Variants in ERGIC1 observed in about 807,000 individuals in gnomAD.
The protein encoded by ERGIC1 is endoplasmic reticulum-golgi intermediate compartment 1, also known as endoplasmic reticulum-Golgi intermediate compartment protein 1.
In ERGIC1, 19 loss-of-function variants were observed where a neutral mutation model predicts 38.3. The ratio of observed to expected loss-of-function variants is 0.50; its 90% CI spans 0.35 to 0.73. The LOEUF (loss-of-function observed/expected upper bound fraction) is 0.73, where lower values mean the gene tolerates loss of function less well. Among genes scored for constraint, ERGIC1 ranks in the 30% least tolerant of loss-of-function variants. The probability of loss-of-function intolerance (pLI) is 0.01; values close to 1 mark genes in which losing one functional copy is unlikely to be tolerated. For missense variants in ERGIC1, 294 were observed against 389.2 expected (o/e 0.76, Z 2.06); for synonymous variants, 124 against 157.6 (o/e 0.79, Z 1.60).
At chr5:172,857,809 G>A (rs980881013) in intron 1 of ERGIC1, among the ~76,000 whole-genome samples, 2 of 152,006 alleles carry the variant, frequency 1.3e-5, no homozygotes, top group African/African-American at 2.4e-5. Context: ...GAGTAAAATC[G>A]GTCTCCCCAT....
chr5:172,938,323 CCCTAGGGT>C lies in ERGIC1; in HGVS notation c.765+3015_765+3022del, dbSNP rs543535345. Among the ~76,000 whole-genome samples the C allele has an allele frequency of 5.9e-5, 9 of 152,318 alleles. No homozygotes were observed. The South Asian group carries it at 1.9e-3, about 32-fold the overall frequency. On this transcript the variant is annotated intron_variant, in intron 9 of 9. Coordinates refer to ENST00000393784, the MANE Select transcript of ERGIC1 (RefSeq NM_001031711.3). ...GAAGGTCTAGACCACTCCTCAGAGG[CCCTAGGGT>C]CTGTACATTGACTATAGCAGAGAAA...
intron 4 of ERGIC1, among the ~76,000 whole-genome samples, chr5:172,912,951 G>A (rs772048088): frequency 2.0e-5 from 3 of 152,110 alleles, no homozygotes; most frequent in South Asian, 4.1e-4. Context: ...TGTGGTTTTA[G>A]TAGAGATGGG....
chr5:172,919,279 C>T (rs1763451754), intron 5 of ERGIC1, among the ~76,000 whole-genome samples: 2 of 152,202 alleles, frequency 1.3e-5, no homozygotes, highest in South Asian at 2.1e-4. Context: ...TGAAGATGCA[C>T]AGATGAACAG....
intron 8 of ERGIC1, 78 bp from the exon 9 acceptor site, chr5:172,935,109 TG>T: frequency 3.1e-6 from 5 of 1,601,706 alleles, no homozygotes; most frequent in South Asian, 1.1e-5. Flanking sequence ...GGAGGGTTGC[TG>T]GGGGGCCCTC....
At chr5:172,862,910 G>A (rs1761753690) in intron 1 of ERGIC1, among the ~76,000 whole-genome samples, 1 of 152,230 alleles carries the variant, frequency 6.6e-6, no homozygotes, top group Admixed American at 6.5e-5. Context: ...AAAGCAGTGA[G>A]ATGAAAGTTC....
intron 1 of ERGIC1, among the ~76,000 whole-genome samples, chr5:172,866,332 C>G (rs793029): frequency 6.6e-6 from 1 of 151,918 alleles, no homozygotes; most frequent in Non-Finnish European, 1.5e-5. Flanking sequence ...GGGCCCCTGC[C>G]GCTGCCCTGG....
At chr5:172,905,875 C>G (rs925298110) in intron 3 of ERGIC1, among the ~76,000 whole-genome samples, 1 of 152,214 alleles carries the variant, frequency 6.6e-6, no homozygotes, top group Non-Finnish European at 1.5e-5. Flanking sequence ...TGTCCCTCCC[C>G]CTGTGCTCTC....
At chr5:172,897,147 G>A in intron 3 of ERGIC1, 73 bp downstream of exon 3, 1 of 1,468,436 alleles carries the variant, frequency 6.8e-7, no homozygotes, top group South Asian at 1.2e-5. Flanking sequence ...AGGGGTCTTT[G>A]GCCAGGTTTG....
At chr5:172,943,122 G>A (rs988625645) in intron 9 of ERGIC1, among the ~76,000 whole-genome samples, 13 of 152,136 alleles carry the variant, frequency 8.5e-5, no homozygotes, top group African/African-American at 2.9e-4. Context: ...GTCCTTGTCT[G>A]TGAAATGAGG....
chr5:172,887,139 C>A (rs182997466), intron 1 of ERGIC1, among the ~76,000 whole-genome samples: 1 of 152,312 alleles, frequency 6.6e-6, no homozygotes, highest in Admixed American at 6.5e-5. Context: ...TCGGCCCTTA[C>A]GCAAGGTTTC....
chr5:172,848,853 A>T (rs1206513180), intron 1 of ERGIC1, among the ~76,000 whole-genome samples: 1 of 152,186 alleles, frequency 6.6e-6, no homozygotes, highest in African/African-American at 2.4e-5. Context: ...TCCTAAGTGC[A>T]TCTGAAAGAA....
intron 1 of ERGIC1, among the ~76,000 whole-genome samples, chr5:172,857,917 T>C (rs1264150839): frequency 6.6e-6 from 1 of 152,146 alleles, no homozygotes; most frequent in Admixed American, 6.5e-5. Context: ...TTTACAAATA[T>C]TTATACTGGT....
At chr5:172,871,454 G>A (rs749055923) in intron 1 of ERGIC1, among the ~76,000 whole-genome samples, 82 of 152,330 alleles carry the variant, frequency 5.4e-4, no homozygotes, top group Non-Finnish European at 1.1e-3. Flanking sequence ...AGCCCCATCC[G>A]AAGGGCCCTG....
chr5:172,911,774 A>G (rs906131295), intron 4 of ERGIC1, among the ~76,000 whole-genome samples: 3 of 152,198 alleles, frequency 2.0e-5, no homozygotes, highest in Admixed American at 1.3e-4. Flanking sequence ...TTTAAAAATA[A>G]TATTCTTCAT....
At chr5:172,843,428 T>G (rs956463113) in intron 1 of ERGIC1, among the ~76,000 whole-genome samples, 8 of 152,132 alleles carry the variant, frequency 5.3e-5, no homozygotes, top group Non-Finnish European at 8.8e-5. Flanking sequence ...CTTTGCTGAT[T>G]TTTCTTGCTG....
In ERGIC1 at chr5:172,834,291, C is replaced by A; in HGVS notation, c.-123C>A. 2 of 943,746 alleles carry A rather than the reference C, an allele frequency of 2.1e-6. No homozygotes were observed. Among genetic ancestry groups the A allele is most frequent in the South Asian group, 5.0e-5 (1 of 19,934 alleles). The allele number at this position is 943,746 out of a possible 1,614,324, so 58.5% of individuals were successfully genotyped here. A position where few individuals can be genotyped will look rare whatever the true frequency, so the allele number is the denominator to read the frequency against. ...GAGGCGAGTGGCGAGTGGCGAGTGG[C>A]GAGTGTCAGGGGGGCGGCCGGCGGG... On this transcript the variant is annotated 5_prime_UTR_variant, in exon 1 of 10. Coordinates refer to ENST00000393784, the MANE Select transcript of ERGIC1 (RefSeq NM_001031711.3). This position sits in a 1 kb window ranked among gnomAD's most constrained non-coding sequence, Gnocchi z 4.1.
rs1763086126 is a variant in ERGIC1 at position 172,908,245 on chromosome 5, G to T, written c.156-1422G>T. The stretch of plus-strand genomic sequence containing the variant: ...ACAAGAGTTCCTGTAAGAGAGAGGT[G>T]GAGGCCAGGCACAGTGGCTCACGCC... On this transcript the variant is annotated intron_variant, in intron 3 of 9. Coordinates refer to ENST00000393784, the MANE Select transcript of ERGIC1 (RefSeq NM_001031711.3). 4.9e-5 allele frequency among the ~76,000 whole-genome samples: 7 copies of T among 142,958 alleles called. No homozygotes were observed. The South Asian group carries it at 1.4e-3, about 29-fold the overall frequency. The allele number at this position is 142,958 out of a possible 152,430, so 93.8% of individuals were successfully genotyped here.
intron 6 of ERGIC1, among the ~76,000 whole-genome samples, chr5:172,925,785 G>A (rs888308987): frequency 1.3e-5 from 2 of 152,168 alleles, no homozygotes; most frequent in Non-Finnish European, 2.9e-5. Flanking sequence ...GATAACCCCT[G>A]TTAACCATGC....
At chr5:172,900,365 C>T (rs376289167) in intron 3 of ERGIC1, among the ~76,000 whole-genome samples, 5 of 152,090 alleles carry the variant, frequency 3.3e-5, no homozygotes, top group African/African-American at 1.2e-4. Context: ...GCATCCCGGA[C>T]GCTCTGATCC....
Sources: gnomAD v4.1 joint callset for allele counts (sites outside exome capture counted in the v4.1 genomes callset) on GRCh38, gnomAD v4.1.1 for gene constraint, Gnocchi (gnomAD v3.1) non-coding constraint, MANE v1.5 for transcripts, NCBI Gene and HGNC (gene_info 2026-07-23, HGNC 2026-07-21) for gene names.